Variants in MAGI1 observed in about 807,000 individuals in gnomAD.
MAGI1 encodes membrane associated guanylate kinase, WW and PDZ domain containing 1, also known as membrane-associated guanylate kinase, WW and PDZ domain-containing protein 1.
Under a neutral mutation model 139.9 loss-of-function variants are expected in MAGI1, and 58 were observed. The ratio of observed to expected loss-of-function variants is 0.41; its 90% CI spans 0.34 to 0.52. MAGI1 has a LOEUF of 0.52. Among genes scored for constraint, MAGI1 ranks in the 20% least tolerant of loss-of-function variants. The probability of loss-of-function intolerance (pLI) is 0.12; values close to 1 mark genes in which losing one functional copy is unlikely to be tolerated. For synonymous variants in MAGI1, 812 were observed against 737.9 expected, an observed-to-expected ratio of 1.10 and a Z score of -1.63; for missense variants, 1,874 against 1,901.6, an observed-to-expected ratio of 0.99 and a Z score of 0.27.
chr3:65,467,245 T>C (rs1186316272), intron 5 of MAGI1, among the ~76,000 whole-genome samples: 1 of 152,244 alleles, frequency 6.6e-6, no homozygotes, highest in Non-Finnish European at 1.5e-5. Context: ...ATTTCTACTA[T>C]TTCTTCAACT....
intron 1 of MAGI1, among the ~76,000 whole-genome samples, chr3:65,627,290 A>T (rs2084019622): frequency 6.6e-6 from 1 of 152,026 alleles, no homozygotes; most frequent in African/African-American, 2.4e-5. Flanking sequence ...GCACTCTATG[A>T]TGTGTGCATG....
chr3:65,424,259 T>C (rs1383192582), intron 12 of MAGI1, among the ~76,000 whole-genome samples: 1 of 152,156 alleles, frequency 6.6e-6, no homozygotes, highest in Non-Finnish European at 1.5e-5. Context: ...TAACTCTCAT[T>C]ATCATTTTTC....
intron 2 of MAGI1, among the ~76,000 whole-genome samples, chr3:65,585,399 A>C (rs2081625254): frequency 6.6e-6 from 1 of 152,244 alleles, no homozygotes; most frequent in African/African-American, 2.4e-5. Flanking sequence ...CAGATGGCAA[A>C]TAAGCAGATG....
intron 1 of MAGI1, among the ~76,000 whole-genome samples, chr3:65,780,993 G>A (rs954635474): frequency 1.3e-5 from 2 of 152,138 alleles, no homozygotes; most frequent in African/African-American, 4.8e-5. Context: ...GCCAAGGCAG[G>A]CAGACCAGTC....
intron 1 of MAGI1, among the ~76,000 whole-genome samples, chr3:65,846,001 T>C (rs939415079): frequency 2.0e-5 from 3 of 152,232 alleles, no homozygotes; most frequent in Non-Finnish European, 2.9e-5. Context: ...ATCTTTCTTT[T>C]ATAAAATTTG....
At chr3:65,561,393 T>C (rs1238983751) in intron 2 of MAGI1, among the ~76,000 whole-genome samples, 1 of 152,096 alleles carries the variant, frequency 6.6e-6, no homozygotes, top group Non-Finnish European at 1.5e-5. Context: ...GAGGGGATTA[T>C]TTGCAAAGGC....
In MAGI1 at chr3:65,430,597, T is replaced by C. The variant is rs2107343582; in HGVS notation, c.1546+102A>G. 3.2e-6 allele frequency: 4 copies of C among 1,237,780 alleles called. No homozygotes were observed. In the South Asian group the frequency reaches 4.3e-5, roughly 13 times the overall value. 76.7% of individuals were successfully genotyped at this position (1,237,780 alleles called of 1,614,324 possible). ...GCTGTAAACATGTGCAATCATGACGTTGCTTGGTCTTGCTCAAACAAACAA... is the reference window on the plus strand; with the variant it reads ...GCTGTAAACATGTGCAATCATGACGCTGCTTGGTCTTGCTCAAACAAACAA... On this transcript the variant is annotated intron_variant, in intron 11 of 22. Transcript: ENST00000402939.
At chr3:66,006,616 C>T (rs561835572) in intron 1 of MAGI1, among the ~76,000 whole-genome samples, 1 of 152,254 alleles carries the variant, frequency 6.6e-6, no homozygotes, top group Non-Finnish European at 1.5e-5. Flanking sequence ...AGACTCTGAT[C>T]ATCCTATGGT....
intron 1 of MAGI1, among the ~76,000 whole-genome samples, chr3:65,930,046 T>G (rs1388787580): frequency 6.6e-6 from 1 of 151,850 alleles, no homozygotes; most frequent in Non-Finnish European, 1.5e-5. Flanking sequence ...GCCGGGCGCG[T>G]TGGCTCACAC....
intron 1 of MAGI1, among the ~76,000 whole-genome samples, chr3:65,844,921 C>A (rs940859493): frequency 1.3e-5 from 2 of 152,150 alleles, no homozygotes; most frequent in Non-Finnish European, 2.9e-5. Context: ...ATTTGCTCAA[C>A]CCTTTCCTTC....
chr3:65,569,529 G>A (rs1274034105), intron 2 of MAGI1, among the ~76,000 whole-genome samples: 2 of 150,936 alleles, frequency 1.3e-5, no homozygotes, highest in Non-Finnish European at 2.9e-5. Context: ...AAAACTGTAG[G>A]TAAGTTTAAA....
intron 1 of MAGI1, among the ~76,000 whole-genome samples, chr3:65,683,657 G>GATATATATATATATATATATAT (rs377247002): frequency 4.6e-5 from 4 of 86,382 alleles, no homozygotes; most frequent in African/African-American, 1.0e-4. Flanking sequence ...GACTGAATAG[G>GATATATATATATATATATATAT]ATATATATAT....
chr3:65,830,822 G>C (rs577120003), intron 1 of MAGI1, among the ~76,000 whole-genome samples: 1 of 152,178 alleles, frequency 6.6e-6, no homozygotes, highest in African/African-American at 2.4e-5. Context: ...TGTTTACCAG[G>C]AGTCCCACTT....
At chr3:65,946,323 G>A (rs2063543603) in intron 1 of MAGI1, among the ~76,000 whole-genome samples, 1 of 152,208 alleles carries the variant, frequency 6.6e-6, no homozygotes, top group Non-Finnish European at 1.5e-5. Context: ...CGTCTTGTGG[G>A]CTATTGACGC....
intron 1 of MAGI1, among the ~76,000 whole-genome samples, chr3:65,769,802 T>G (rs1437636012): frequency 6.6e-6 from 1 of 152,130 alleles, no homozygotes; most frequent in Non-Finnish European, 1.5e-5. Flanking sequence ...GCAAAAAAGG[T>G]GAGAAGGCAT....
chr3:66,030,301 A>G (rs1429731277), intron 1 of MAGI1, among the ~76,000 whole-genome samples: 3 of 152,200 alleles, frequency 2.0e-5, no homozygotes, highest in Non-Finnish European at 4.4e-5. Context: ...GGACTTCTAT[A>G]TATCTACATT....
chr3:65,667,966 C>T (rs1242916343), intron 1 of MAGI1, among the ~76,000 whole-genome samples: 2 of 152,282 alleles, frequency 1.3e-5, no homozygotes, highest in African/African-American at 2.4e-5. Flanking sequence ...TAAGAGTTTG[C>T]TCCCTGTGTA....
At chr3:65,865,648 T>C (rs1267936278) in intron 1 of MAGI1, among the ~76,000 whole-genome samples, 1 of 152,216 alleles carries the variant, frequency 6.6e-6, no homozygotes, top group Non-Finnish European at 1.5e-5. Context: ...TGTTTTGTTT[T>C]GTTTTGTTTG....
intron 1 of MAGI1, among the ~76,000 whole-genome samples, chr3:65,923,189 C>G (rs2062307511): frequency 6.6e-6 from 1 of 151,358 alleles, no homozygotes; most frequent in South Asian, 2.1e-4. Flanking sequence ...TCCACCCGTC[C>G]ATGCATGCAC....
Sources: allele counts gnomAD v4.1 joint callset (sites outside exome capture counted in the v4.1 genomes callset), GRCh38; gene constraint gnomAD v4.1.1; transcripts MANE v1.5; gene names NCBI Gene and HGNC (gene_info 2026-07-23, HGNC 2026-07-21).